DAB1: variants seen among roughly 807,000 people sequenced by gnomAD.
DAB1 encodes the protein DAB adaptor protein 1.
DAB1 carries 15 observed loss-of-function variants against 64.6 expected under a neutral mutation model. That is an observed-to-expected ratio of 0.23 (90% CI 0.16 to 0.36). The LOEUF (loss-of-function observed/expected upper bound fraction) is 0.36. DAB1 is among the 10% of genes least tolerant of loss of function. DAB1 has a pLI of 1.00. For missense variants in DAB1, 596 were observed against 706.7 expected, an observed-to-expected ratio of 0.84 and a Z score of 1.78; for synonymous variants, 235 against 251.9, an observed-to-expected ratio of 0.93 and a Z score of 0.64.
intron 4 of DAB1, among the ~76,000 whole-genome samples, chr1:57,099,185 G>A (rs568651729): frequency 1.1e-4 from 16 of 152,080 alleles, no homozygotes; most frequent in Non-Finnish European, 2.1e-4. Flanking sequence ...ACACAGACAA[G>A]GAAAAACAAA....
At chr1:58,407,529 G>A (rs527953876) in intron 3 of DAB1, among the ~76,000 whole-genome samples, 1 of 152,168 alleles carries the variant, frequency 6.6e-6, no homozygotes, top group Non-Finnish European at 1.5e-5. Flanking sequence ...ACCTGGAAGG[G>A]AGTGCTAATG....
chr1:58,406,972 G>C (rs1186243090), intron 3 of DAB1, among the ~76,000 whole-genome samples: 2 of 152,200 alleles, frequency 1.3e-5, no homozygotes. Flanking sequence ...GCTGACACAG[G>C]GTGGGCGTGC....
intron 7 of DAB1, among the ~76,000 whole-genome samples, chr1:57,516,605 C>T (rs930115049): frequency 6.6e-6 from 1 of 152,158 alleles, no homozygotes; most frequent in Admixed American, 6.5e-5. Context: ...AAACTTCTAA[C>T]GCCTGCCAAT....
At chr1:58,013,893 CTTTTTTTTTTTTTT>C (rs1296556894) in intron 5 of DAB1, among the ~76,000 whole-genome samples, 1 of 137,050 alleles carries the variant, frequency 7.3e-6, no homozygotes, top group Non-Finnish European at 1.6e-5. Context: ...TTCTTTTTTT[CTTTTTTTTTTTTTT>C]CTTTTTAAGA....
chr1:57,620,833 A>T (rs1205577324), intron 7 of DAB1, among the ~76,000 whole-genome samples: 1 of 152,220 alleles, frequency 6.6e-6, no homozygotes, highest in African/African-American at 2.4e-5. Flanking sequence ...AGACACACCT[A>T]CTGCCCTAAA....
upstream of DAB1, among the ~76,000 whole-genome samples, chr1:57,425,820 C>A (rs962164474): frequency 6.6e-6 from 1 of 152,116 alleles, no homozygotes; most frequent in African/African-American, 2.4e-5. Context: ...TAAGTCTCTA[C>A]AAGTTTTCCA....
chr1:57,851,705 T>C (rs1488361935), intron 1 of DAB1, among the ~76,000 whole-genome samples: 1 of 152,200 alleles, frequency 6.6e-6, no homozygotes, highest in Admixed American at 6.5e-5. Flanking sequence ...GGCATTTCAT[T>C]CTCTGGCTTC....
At chr1:57,594,300 C>T (rs1341912790) in intron 7 of DAB1, among the ~76,000 whole-genome samples, 1 of 152,180 alleles carries the variant, frequency 6.6e-6, no homozygotes, top group African/African-American at 2.4e-5. Flanking sequence ...TTCAAGGCTG[C>T]CTTAGGCTAT....
intron 9 of DAB1, among the ~76,000 whole-genome samples, chr1:57,042,768 A>G (rs1011882110): frequency 6.6e-6 from 1 of 152,192 alleles, no homozygotes; most frequent in East Asian, 1.9e-4. Context: ...ATGACATTAT[A>G]TGGAGGGTAT....
chr1:57,954,301 T>C (rs1287746543), intron 5 of DAB1, among the ~76,000 whole-genome samples: 3 of 152,182 alleles, frequency 2.0e-5, no homozygotes, highest in Non-Finnish European at 2.9e-5. Flanking sequence ...ATAGGTGCCA[T>C]GGTCTGGCAT....
At chr1:57,462,192 AC>A (rs1344694772) in intron 7 of DAB1, among the ~76,000 whole-genome samples, 1 of 151,784 alleles carries the variant, frequency 6.6e-6, no homozygotes, top group Non-Finnish European at 1.5e-5. Flanking sequence ...CAGGTGACCC[AC>A]CCACCTCGGC....
intron 4 of DAB1, among the ~76,000 whole-genome samples, chr1:58,321,636 C>T (rs765685854): frequency 2.2e-4 from 33 of 152,398 alleles, no homozygotes; most frequent in Non-Finnish European, 4.1e-4. Flanking sequence ...GTGGGTCCCA[C>T]GCCCAGGGAG....
intron 5 of DAB1, among the ~76,000 whole-genome samples, chr1:57,905,813 G>A (rs1323710316): frequency 6.6e-6 from 1 of 152,178 alleles, no homozygotes; most frequent in Non-Finnish European, 1.5e-5. Flanking sequence ...GAGGTAGGAG[G>A]AAAACCTGGA....
chr1:58,181,683 T>C (rs1234644767), intron 4 of DAB1, among the ~76,000 whole-genome samples: 11 of 152,102 alleles, frequency 7.2e-5, no homozygotes, highest in Non-Finnish European at 1.5e-5. Context: ...AAGTTACTTC[T>C]AATAAAATAT....
chr1:58,181,493 G>A (rs1656791272), intron 4 of DAB1, among the ~76,000 whole-genome samples: 2 of 151,966 alleles, frequency 1.3e-5, no homozygotes, highest in South Asian at 4.1e-4. Flanking sequence ...TTTTTTGTAT[G>A]TCTCATGATT....
At chr1:57,270,458 C>T (rs1670907133) in intron 2 of DAB1, among the ~76,000 whole-genome samples, 1 of 152,178 alleles carries the variant, frequency 6.6e-6, no homozygotes, top group Admixed American at 6.5e-5. Flanking sequence ...TGCTTCATAG[C>T]TATGCCCAAA....
chr1:57,431,829 T>C (rs1042373012), intron 7 of DAB1, among the ~76,000 whole-genome samples: 2 of 152,032 alleles, frequency 1.3e-5, no homozygotes, highest in Admixed American at 1.3e-4. Flanking sequence ...CTAAAAGCTA[T>C]AAAAAATGGC....
At chr1:57,586,919 C>CAAAGTCTGGCATGTGGT (rs1553197375) in intron 7 of DAB1, among the ~76,000 whole-genome samples, 1 of 151,906 alleles carries the variant, frequency 6.6e-6, no homozygotes, top group African/African-American at 2.4e-5. Flanking sequence ...CTATCAATTA[C>CAAAGTCTGGCATGTGGT]AAAGTCTGGC....
At chr1:58,448,194 A>G (rs1172733044) in intron 3 of DAB1, among the ~76,000 whole-genome samples, 5 of 152,190 alleles carry the variant, frequency 3.3e-5, no homozygotes, top group African/African-American at 9.6e-5. Context: ...ACACATGCAC[A>G]TACTTAAAGC....
Sources: gnomAD v4.1 joint callset for allele counts (sites outside exome capture counted in the v4.1 genomes callset) on GRCh38, gnomAD v4.1.1 for gene constraint, MANE v1.5 for transcripts, NCBI Gene and HGNC (gene_info 2026-07-23, HGNC 2026-07-21) for gene names.